CELSR1: variants seen among roughly 807,000 people sequenced by gnomAD.
CELSR1 encodes the protein adhesion G protein-coupled receptor C1.
In CELSR1, 110 loss-of-function variants were observed where a neutral mutation model predicts 249.1. The observed-to-expected ratio is 0.44, with a 90% CI of 0.38 to 0.52. The LOEUF (loss-of-function observed/expected upper bound fraction) is 0.52. Among genes scored for constraint, CELSR1 ranks in the 20% least tolerant of loss-of-function variants. The pLI is 0.00. For missense variants in CELSR1, 4,109 were observed against 4,296.4 expected (o/e 0.96, Z 1.22); for synonymous variants, 2,113 against 1,900.0 (o/e 1.11, Z -2.92).
chr22:46,368,131 G>A (rs1057053876), intron 27 of CELSR1, among the ~76,000 whole-genome samples: 1 of 152,186 alleles, frequency 6.6e-6, no homozygotes, highest in African/African-American at 2.4e-5. Flanking sequence ...ACTACACCAG[G>A]CCAAGGGGCC....
At chr22:46,450,547 C>T (rs1374496264) in intron 2 of CELSR1, among the ~76,000 whole-genome samples, 2 of 152,232 alleles carry the variant, frequency 1.3e-5, no homozygotes, top group Non-Finnish European at 2.9e-5. Context: ...TCAGAGAGGG[C>T]AGTTACTTGT....
rs184669577 is a variant in CELSR1, at chr22:46,416,117, A to T, written c.4612-4358T>A. On this transcript the variant is annotated intron_variant, in intron 5 of 34. Transcript: ENST00000674500. ...GTACAGGTTGCAGAGGGGGGCGGAT[A>T]AGGAATGAGACAGACGAACCGCCTC... Among the ~76,000 whole-genome samples the T allele has an allele frequency of 7.1e-4, 96 of 134,500 alleles. 4 individuals are homozygous for T. Among genetic ancestry groups the T allele is most frequent in the Middle Eastern group, 4.2e-3 (1 of 238 alleles). 88.2% of individuals were successfully genotyped at this position (134,500 alleles called of 152,430 possible). A position where few individuals can be genotyped will look rare whatever the true frequency, so the allele number is the denominator to read the frequency against.
At position 46,391,422 on chromosome 22, in the gene CELSR1, GC is replaced by G; in HGVS notation, c.6149-136del. On this transcript the variant is annotated intron_variant, in intron 15 of 34. Transcript: ENST00000674500. This position sits in a 1 kb window ranked among gnomAD's most constrained non-coding sequence, Gnocchi z 4.3. ...AGAACCGAACCCTAGCATCTCCCCT[GC>G]CCCCATCCATGTCAGAGCTGGAGAG... The G allele has an allele frequency of 1.1e-6, 1 of 903,454 alleles. No homozygotes were observed. Among genetic ancestry groups the G allele is most frequent in the Non-Finnish European group, 1.7e-6 (1 of 605,218 alleles). 56.0% of individuals were successfully genotyped at this position (903,454 alleles called of 1,614,324 possible).
Position 46,363,885 on chromosome 22 carries a change from A to G in CELSR1, c.9035+111T>C. 2 of 1,372,850 alleles carry G rather than the reference A, an allele frequency of 1.5e-6. No individual in the cohort carries two copies. The highest frequency in any genetic ancestry group is 1.5e-5 in the South Asian group (1 of 64,548). The allele number at this position is 1,372,850 out of a possible 1,614,324, so 85.0% of individuals were successfully genotyped here. A position where few individuals can be genotyped will look rare whatever the true frequency, so the allele number is the denominator to read the frequency against. On this transcript the variant is annotated intron_variant, in intron 34 of 34. Coordinates refer to ENST00000674500, the MANE Select transcript of CELSR1 (RefSeq NM_001378328.1). The surrounding 1 kb of genome is among the most constrained non-coding windows in gnomAD (Gnocchi z 4.3). ...CCCCGCCTGGGCTTCCTCTGCACTCAGGGCTCCAGGTGAGGTGGGTGTCAG... is the reference window on the plus strand; with the variant it reads ...CCCCGCCTGGGCTTCCTCTGCACTCGGGGCTCCAGGTGAGGTGGGTGTCAG...
At chr22:46,414,204 C>T (rs773339075) in intron 5 of CELSR1, among the ~76,000 whole-genome samples, 4 of 152,200 alleles carry the variant, frequency 2.6e-5, no homozygotes, top group East Asian at 3.8e-4. Flanking sequence ...AGGCACAGGG[C>T]GTTTAGGAAA....
intron 5 of CELSR1, among the ~76,000 whole-genome samples, chr22:46,418,783 A>G (rs2079432402): frequency 6.6e-6 from 1 of 152,262 alleles, no homozygotes; most frequent in Admixed American, 6.5e-5. Context: ...CCGGTCACCT[A>G]GAGATTCTTA....
Position 46,490,865 on chromosome 22 carries a change from G to T in CELSR1, c.3545-26520C>A, listed in dbSNP as rs2080360755. Among the ~76,000 whole-genome samples the T allele has an allele frequency of 6.6e-6, 1 of 152,120 alleles. No individual in the cohort carries two copies. Among genetic ancestry groups the T allele is most frequent in the Non-Finnish European group, 1.5e-5 (1 of 68,026 alleles). Reference sequence around the variant, plus strand: ...CCCTGATCCTCCAGGCAGTCCAAATGGCCAGGTGTCATTTTCGCTGCTCTA... The same window carrying T: ...CCCTGATCCTCCAGGCAGTCCAAATTGCCAGGTGTCATTTTCGCTGCTCTA... On this transcript the variant is annotated intron_variant, in intron 1 of 34. Coordinates refer to ENST00000674500, the MANE Select transcript of CELSR1 (RefSeq NM_001378328.1). The surrounding 1 kb of genome is among the most constrained non-coding windows in gnomAD (Gnocchi z 5.2).
chr22:46,535,242 G>T lies in CELSR1; in HGVS notation c.1929C>A (p.Ala643=). The part of the protein sequence containing the change: ...HNSSGWITVC[A]ELDREEVEHY... ...GCTCCACCTCCTCGCGGTCCAGCTCGGCACACACTGTGATCCAACCGGAGC... is the reference window on the plus strand; with the variant it reads ...GCTCCACCTCCTCGCGGTCCAGCTCTGCACACACTGTGATCCAACCGGAGC... The change falls in exon 1 of 35, where the codon GCC becomes GCA. Residue 643 remains alanine (A), a synonymous_variant. Transcript: ENST00000674500. The T allele has an allele frequency of 6.2e-7, 1 of 1,609,704 alleles. No homozygotes were observed. Among genetic ancestry groups the T allele is most frequent in the Non-Finnish European group, 8.5e-7 (1 of 1,179,956 alleles).
rs2079301943 is a variant in CELSR1 at position 46,409,190 on chromosome 22, G to A, written c.5060-28C>T. 6.2e-7 allele frequency: 1 copy of A among 1,608,228 alleles called. No homozygotes were observed. The highest frequency in any genetic ancestry group is 8.5e-7 in the Non-Finnish European group (1 of 1,178,076). ...GCGGACACAGGCCCAGGGACCTCAG[G>A]TGTCTCCCGAAATCACACGGCCGCG... is the stretch of plus-strand genomic sequence containing the variant. On this transcript the variant is annotated intron_variant, in intron 8 of 34. Coordinates refer to ENST00000674500, the MANE Select transcript of CELSR1 (RefSeq NM_001378328.1). The surrounding 1 kb of genome is among the most constrained non-coding windows in gnomAD (Gnocchi z 9.8).
chr22:46,494,398 C>T (rs1319619091), intron 1 of CELSR1, among the ~76,000 whole-genome samples: 1 of 152,216 alleles, frequency 6.6e-6, no homozygotes, highest in Non-Finnish European at 1.5e-5. Context: ...TTGATTGGCA[C>T]TGCACTGAAT....
chr22:46,516,099 A>C (rs1475808574), intron 1 of CELSR1, among the ~76,000 whole-genome samples: 1 of 152,184 alleles, frequency 6.6e-6, no homozygotes, highest in Non-Finnish European at 1.5e-5. Context: ...CAGCCATCCC[A>C]TTACTGGGTA....
At position 46,529,126 on chromosome 22, in the gene CELSR1, T is replaced by G. The variant is rs1602245542; in HGVS notation, c.3544+4501A>C. 2.7e-5 allele frequency among the ~76,000 whole-genome samples: 4 copies of G among 147,812 alleles called. No homozygotes were observed. In the South Asian group the frequency reaches 8.7e-4, roughly 32 times the overall value. ...TAAAAATACAAAAAAATTAGCTGGG[T>G]GTGGTGGCGGGTACCTGTAGTCCCA... On this transcript the variant is annotated intron_variant, in intron 1 of 34. Transcript: ENST00000674500.
At chr22:46,491,638 T>TCTCTC (rs1555929158) in intron 1 of CELSR1, among the ~76,000 whole-genome samples, 3 of 55,516 alleles carry the variant, frequency 5.4e-5, no homozygotes, top group Non-Finnish European at 7.1e-5. Context: ...TCTCTCTCTC[T>TCTCTC]TTTTTTTTTT....
chr22:46,366,600 G>C lies in CELSR1; in HGVS notation c.8206-120C>G, dbSNP rs929460238. The stretch of plus-strand genomic sequence containing the variant: ...CCACACCCTGGCTGGGCCCCTGCCT[G>C]GCACACAGGAGGAGCTGGCCCCAAG... On this transcript the variant is annotated intron_variant, in intron 29 of 34. Transcript: ENST00000674500. 7.4e-6 allele frequency: 6 copies of C among 811,154 alleles called. No individual in the cohort carries two copies. The African/African-American group carries it at 1.0e-4, about 14-fold the overall frequency. The allele number at this position is 811,154 out of a possible 1,614,324, so 50.2% of individuals were successfully genotyped here. A position where few individuals can be genotyped will look rare whatever the true frequency, so the allele number is the denominator to read the frequency against.
At position 46,369,741 on chromosome 22, in the gene CELSR1, T is replaced by C. The variant is rs957936243; in HGVS notation, c.7823A>G (p.Gln2608Arg). The C allele has an allele frequency of 6.2e-7, 1 of 1,613,366 alleles. No individual in the cohort carries two copies. The highest frequency in any genetic ancestry group is 8.5e-7 in the Non-Finnish European group (1 of 1,179,966). ...GNPDFCWLSLQDTLIWSFAGP... is the reference protein window; with the variant it reads ...GNPDFCWLSLRDTLIWSFAGP... ...CGCAAAGCTCCAAATCAGGGTGTCT[T>C]GAAGCGACAGCCAGCAGAAGTCGGG... The change falls in exon 26 of 35, where the codon CAA becomes CGA. Residue 2608 changes from glutamine to arginine, a missense_variant. Transcript: ENST00000674500.
chr22:46,504,513 A>AC (rs903194278), intron 1 of CELSR1, among the ~76,000 whole-genome samples: 3 of 90,690 alleles, frequency 3.3e-5, no homozygotes, highest in Non-Finnish European at 8.0e-5. Flanking sequence ...CCAAAAAAAA[A>AC]AAAAAAACAA....
At chr22:46,452,856 C>T (rs1366296613) in intron 2 of CELSR1, among the ~76,000 whole-genome samples, 1 of 152,236 alleles carries the variant, frequency 6.6e-6, no homozygotes, top group Non-Finnish European at 1.5e-5. Context: ...GTGCCACTGT[C>T]GGGCAGGCGG....
chr22:46,448,172 G>T lies in CELSR1; in HGVS notation c.4184-8761C>A, dbSNP rs992505696. Among the ~76,000 whole-genome samples the T allele has an allele frequency of 6.6e-6, 1 of 152,218 alleles. No individual in the cohort carries two copies. The highest frequency in any genetic ancestry group is 1.5e-5 in the Non-Finnish European group (1 of 68,034). On this transcript the variant is annotated intron_variant, in intron 2 of 34. Coordinates refer to ENST00000674500, the MANE Select transcript of CELSR1 (RefSeq NM_001378328.1). The surrounding 1 kb of genome is among the most constrained non-coding windows in gnomAD (Gnocchi z 5.7). The stretch of plus-strand genomic sequence containing the variant: ...TGCTGCAGGCGGGGGCTGGGTGCTG[G>T]GTGTGCTCCTGGTCTGTGAACAAGG...
chr22:46,403,985 A>AG (rs1190257659), intron 9 of CELSR1, among the ~76,000 whole-genome samples: 2 of 150,550 alleles, frequency 1.3e-5, no homozygotes, highest in East Asian at 1.9e-4. Flanking sequence ...AAAAAAAAAA[A>AG]AAAAAGAAAA....
Sources: allele counts gnomAD v4.1 joint callset (sites outside exome capture counted in the v4.1 genomes callset), GRCh38; gene constraint gnomAD v4.1.1; non-coding constraint Gnocchi (gnomAD v3.1); transcripts MANE v1.5; gene names NCBI Gene and HGNC (gene_info 2026-07-23, HGNC 2026-07-21).